The following PLCL2 variants were observed in gnomAD, a reference collection of about 807,000 sequenced individuals.
PLCL2 encodes the protein phospholipase C like 2, also known as inactive phospholipase C-like protein 2.
In PLCL2, 4 loss-of-function variants were observed where a neutral mutation model predicts 79.6. The observed-to-expected ratio is 0.05, with a 90% CI of 0.02 to 0.11. PLCL2 has a LOEUF of 0.11. PLCL2 is among the 10% of genes least tolerant of loss of function. The pLI is 1.00. For missense variants in PLCL2, 895 were observed against 1,291.0 expected, an observed-to-expected ratio of 0.69 and a Z score of 4.70; for synonymous variants, 484 against 457.7, an observed-to-expected ratio of 1.06 and a Z score of -0.73.
intron 1 of PLCL2, among the ~76,000 whole-genome samples, chr3:16,902,095 C>T (rs561182918): frequency 7.2e-5 from 11 of 152,284 alleles, no homozygotes; most frequent in African/African-American, 2.6e-4. Flanking sequence ...CTAGCATGCC[C>T]CCAGCCATCT....
chr3:17,040,625 ATCCT>A (rs578261705), intron 3 of PLCL2, among the ~76,000 whole-genome samples: 202 of 152,236 alleles, frequency 1.3e-3, no homozygotes, highest in Admixed American at 2.1e-3. Context: ...CTCCTCACAC[ATCCT>A]TTCATTTAAT....
intron 3 of PLCL2, among the ~76,000 whole-genome samples, chr3:17,033,823 CT>C (rs2064612139): frequency 6.6e-6 from 1 of 152,104 alleles, no homozygotes; most frequent in African/African-American, 2.4e-5. Context: ...TTTTTTCATT[CT>C]TTAACCATTT....
chr3:17,032,684 C>CA (rs2064597054), intron 3 of PLCL2, among the ~76,000 whole-genome samples: 1 of 152,136 alleles, frequency 6.6e-6, no homozygotes, highest in South Asian at 2.1e-4. Flanking sequence ...GCATTGGACA[C>CA]ACAGCACCTG....
At position 17,090,526 on chromosome 3, in the gene PLCL2, G is replaced by T; in HGVS notation, c.*614G>T. Reference sequence around the variant, plus strand: ...AGATGATGTAAAAGCAGCCAATCTGGAAACAATACATTGTAAATAGTTTTT... The same window carrying T: ...AGATGATGTAAAAGCAGCCAATCTGTAAACAATACATTGTAAATAGTTTTT... On this transcript the variant is annotated 3_prime_UTR_variant, in exon 6 of 6. Coordinates refer to ENST00000615277, the MANE Select transcript of PLCL2 (RefSeq NM_001144382.2). 6.5e-6 allele frequency: 1 copy of T among 152,710 alleles called. No individual in the cohort carries two copies. The highest frequency in any genetic ancestry group is 1.9e-4 in the East Asian group (1 of 5,202). 9.5% of individuals were successfully genotyped at this position (152,710 alleles called of 1,614,324 possible). A position where few individuals can be genotyped will look rare whatever the true frequency, so the allele number is the denominator to read the frequency against.
chr3:17,010,765 T>C lies in PLCL2; in HGVS notation c.1419T>C (p.Asp473=). Residue 473 remains aspartate (D), a synonymous_variant, in exon 2 of 6, where the codon GAT becomes GAC. Coordinates refer to ENST00000615277, the MANE Select transcript of PLCL2 (RefSeq NM_001144382.2). The surrounding 1 kb of genome is among the most constrained non-coding windows in gnomAD (Gnocchi z 5.8). Reference sequence around the variant, plus strand: ...TGGGTTGCCGGAGTGTTGAATTAGATGTATGGGATGGGCCGGACAATGAAC... The same window carrying C: ...TGGGTTGCCGGAGTGTTGAATTAGACGTATGGGATGGGCCGGACAATGAAC... ...LKMGCRSVEL[D]VWDGPDNEPV... 6.2e-7 allele frequency: 1 copy of C among 1,614,172 alleles called. No homozygotes were observed. The highest frequency in any genetic ancestry group is 8.5e-7 in the Non-Finnish European group (1 of 1,180,024).
intron 1 of PLCL2, among the ~76,000 whole-genome samples, chr3:16,900,712 C>T (rs918585448): frequency 2.0e-5 from 3 of 152,166 alleles, no homozygotes; most frequent in Non-Finnish European, 2.9e-5. Flanking sequence ...ACAATGCTCC[C>T]GTTCGGTGGA....
chr3:17,078,258 A>G (rs757829063), intron 5 of PLCL2, among the ~76,000 whole-genome samples: 3 of 152,160 alleles, frequency 2.0e-5, no homozygotes, highest in Non-Finnish European at 4.4e-5. Flanking sequence ...CTGCAAAACT[A>G]GTGGCTTGAA....
At chr3:16,987,572 C>G (rs11929026) in intron 1 of PLCL2, among the ~76,000 whole-genome samples, 3,549 of 152,164 alleles carry the variant, frequency 0.023, 151 homozygotes, top group African/African-American at 0.08. Flanking sequence ...GGCTCTCCAG[C>G]AGTTCAAAGA....
chr3:17,037,648 A>G (rs779720634), intron 3 of PLCL2, among the ~76,000 whole-genome samples: 22 of 151,508 alleles, frequency 1.5e-4, no homozygotes, highest in Non-Finnish European at 2.1e-4. Context: ...TCAAAACAAG[A>G]TAAAGGGGAA....
At chr3:16,952,040 TA>T (rs1378035332) in intron 1 of PLCL2, among the ~76,000 whole-genome samples, 2 of 151,936 alleles carry the variant, frequency 1.3e-5, no homozygotes, top group African/African-American at 2.4e-5. Context: ...TAACAGATGA[TA>T]GAAACCTGAG....
At chr3:16,904,381 G>T (rs886676958) in intron 1 of PLCL2, among the ~76,000 whole-genome samples, 5 of 151,644 alleles carry the variant, frequency 3.3e-5, no homozygotes, top group African/African-American at 1.2e-4. Flanking sequence ...ACCGGTTTGG[G>T]GTATGTGTGT....
chr3:17,054,653 G>A (rs1035674898), intron 4 of PLCL2, among the ~76,000 whole-genome samples: 2 of 152,150 alleles, frequency 1.3e-5, no homozygotes, highest in South Asian at 2.1e-4. Flanking sequence ...ACTACCAAGG[G>A]GGGATGGTGC....
Position 16,918,933 on chromosome 3 carries a change from T to G in PLCL2, c.327+33567T>G, listed in dbSNP as rs184070816. ...TTACACTTGACAGCATGTATAAACT[T>G]GTATCCACTAATCCCAAAAGTTAAA... is the stretch of plus-strand genomic sequence containing the variant. On this transcript the variant is annotated intron_variant, in intron 1 of 5. Transcript: ENST00000615277. Among the ~76,000 whole-genome samples the G allele has an allele frequency of 2.6e-5, 4 of 152,282 alleles. No homozygotes were observed. In the East Asian group the frequency reaches 7.7e-4, roughly 29 times the overall value.
intron 1 of PLCL2, among the ~76,000 whole-genome samples, chr3:16,973,059 C>T (rs891883152): frequency 1.3e-5 from 2 of 152,076 alleles, no homozygotes; most frequent in Non-Finnish European, 1.5e-5. Context: ...GACTCGGTTG[C>T]GTGATTGCTT....
intron 5 of PLCL2, among the ~76,000 whole-genome samples, chr3:17,086,666 A>G (rs2065223169): frequency 6.6e-6 from 1 of 152,266 alleles, no homozygotes; most frequent in East Asian, 1.9e-4. Flanking sequence ...GGGAGAAAAT[A>G]CTTGCAAAGG....
chr3:17,014,318 T>C (rs1368465963), intron 2 of PLCL2, among the ~76,000 whole-genome samples: 1 of 152,040 alleles, frequency 6.6e-6, no homozygotes, highest in Non-Finnish European at 1.5e-5. Flanking sequence ...TTGATACTTA[T>C]TTTAAATCTG....
At chr3:16,947,264 A>T (rs1183845121) in intron 1 of PLCL2, among the ~76,000 whole-genome samples, 2 of 152,062 alleles carry the variant, frequency 1.3e-5, no homozygotes, top group Non-Finnish European at 2.9e-5. Flanking sequence ...TTTTATTCTT[A>T]TGAGTCATCA....
chr3:16,902,160 A>G (rs1390829832), intron 1 of PLCL2, among the ~76,000 whole-genome samples: 2 of 151,936 alleles, frequency 1.3e-5, no homozygotes, highest in Non-Finnish European at 2.9e-5. Context: ...CCCTCCTCCT[A>G]TCTGGTCCTT....
chr3:16,940,630 A>C (rs1697656710), intron 1 of PLCL2, among the ~76,000 whole-genome samples: 1 of 152,092 alleles, frequency 6.6e-6, no homozygotes, highest in South Asian at 2.1e-4. Flanking sequence ...CCTAAACCTA[A>C]AATAAGAGTT....
Sources: gnomAD v4.1 joint callset for allele counts (sites outside exome capture counted in the v4.1 genomes callset) on GRCh38, gnomAD v4.1.1 for gene constraint, Gnocchi (gnomAD v3.1) non-coding constraint, MANE v1.5 for transcripts, NCBI Gene and HGNC (gene_info 2026-07-23, HGNC 2026-07-21) for gene names.